The following CACNA2D4 variants were observed in gnomAD, a reference collection of about 807,000 sequenced individuals.
The protein encoded by CACNA2D4 is calcium voltage-gated channel auxiliary subunit alpha2delta 4, also known as voltage-dependent calcium channel subunit alpha-2/delta-4.
In CACNA2D4, 157 loss-of-function variants were observed where a neutral mutation model predicts 163.8. The ratio of observed to expected loss-of-function variants is 0.96; its 90% CI spans 0.84 to 1.09. The LOEUF is 1.09. Ranked by LOEUF, CACNA2D4 falls within the 50% of genes least tolerant of loss-of-function variation. CACNA2D4 has a pLI of 0.00. For synonymous variants in CACNA2D4, 598 were observed against 586.9 expected, an observed-to-expected ratio of 1.02 and a Z score of -0.27; for missense variants, 1,410 against 1,479.9, an observed-to-expected ratio of 0.95 and a Z score of 0.78.
intron 6 of CACNA2D4, among the ~76,000 whole-genome samples, chr12:1,893,989 C>G (rs532676598): frequency 6.6e-6 from 1 of 151,810 alleles, no homozygotes; most frequent in African/African-American, 2.4e-5. Flanking sequence ...AAGATAAAAC[C>G]AATAAACTGC....
Position 1,885,085 on chromosome 12 carries a change from G to T in CACNA2D4, c.1069-9C>A. On this transcript the variant is annotated splice_polypyrimidine_tract_variant and intron_variant, in intron 9 of 37. Transcript: ENST00000382722. ...ACCAGCAGTTTGAAATGCTGCCATG[G>T]GTGAGATATTAGAGAAGCATCAGGG... 6.2e-7 allele frequency: 1 copy of T among 1,611,658 alleles called. No homozygotes were observed. Among genetic ancestry groups the T allele is most frequent in the Non-Finnish European group, 8.5e-7 (1 of 1,177,808 alleles).
rs1271029810 is a variant in CACNA2D4, at chr12:1,828,185, A to G, written c.2551+12554T>C. 1.3e-6 allele frequency: 2 copies of G among 1,546,658 alleles called. No homozygotes were observed. The highest frequency in any genetic ancestry group is 1.7e-6 in the Non-Finnish European group (2 of 1,145,134). On this transcript the variant is annotated intron_variant, in intron 26 of 37. Coordinates refer to ENST00000382722, the MANE Select transcript of CACNA2D4 (RefSeq NM_172364.5). This position sits in a 1 kb window ranked among gnomAD's most constrained non-coding sequence, Gnocchi z 4.2. Reference sequence around the variant, plus strand: ...GGGCAGCAGCCCTGGGCAGAGGGGCAGGCTCGCCCTGCAGTGGAGGCAAGT... The same window carrying G: ...GGGCAGCAGCCCTGGGCAGAGGGGCGGGCTCGCCCTGCAGTGGAGGCAAGT...
At position 1,853,991 on chromosome 12, in the gene CACNA2D4, T is replaced by C. The variant is rs773004518; in HGVS notation, c.2206A>G (p.Met736Val). The C allele has an allele frequency of 1.6e-5, 26 of 1,612,894 alleles. No individual in the cohort carries two copies. Among genetic ancestry groups the C allele is most frequent in the Non-Finnish European group, 2.1e-5 (25 of 1,179,438 alleles). ...VLFDAVVTAP[M>V]EAYWTALALN... ...GCCAGCGCTGTCCAGTAGGCTTCCA[T>C]GGGGGCTGTCACCACCGCGTCAAAC... Residue 736 changes from methionine to valine, a missense_variant, in exon 23 of 38, where the codon ATG becomes GTG. Coordinates refer to ENST00000382722, the MANE Select transcript of CACNA2D4 (RefSeq NM_172364.5).
chr12:1,871,270 GGT>G (rs1241512893), intron 18 of CACNA2D4, among the ~76,000 whole-genome samples: 10 of 146,760 alleles, frequency 6.8e-5, no homozygotes, highest in Admixed American at 2.0e-4. Context: ...GTGTGCCACT[GGT>G]GTGTGTGTAC....
At chr12:1,863,253 T>C (rs1865562438) in intron 18 of CACNA2D4, among the ~76,000 whole-genome samples, 1 of 152,266 alleles carries the variant, frequency 6.6e-6, no homozygotes, top group African/African-American at 2.4e-5. Context: ...GTGTGGGCTA[T>C]TTCTGGGTTC....
chr12:1,905,713 G>A (rs1866644686), intron 6 of CACNA2D4, among the ~76,000 whole-genome samples: 1 of 152,098 alleles, frequency 6.6e-6, no homozygotes, highest in Admixed American at 6.5e-5. Context: ...AGAAATAATG[G>A]AAACACATTC....
chr12:1,866,765 T>C (rs1865659502), intron 18 of CACNA2D4, among the ~76,000 whole-genome samples: 1 of 150,848 alleles, frequency 6.6e-6, no homozygotes, highest in African/African-American at 2.4e-5. Flanking sequence ...GGACTACAAG[T>C]GCATGCCACC....
intron 20 of CACNA2D4, 110 bp downstream of exon 20, chr12:1,858,467 G>C (rs933713299): frequency 1.1e-6 from 1 of 912,350 alleles, no homozygotes. Context: ...TGGAGCCTGG[G>C]AGCTGGGAGG....
chr12:1,916,296 T>A (rs1490120319), intron 1 of CACNA2D4, among the ~76,000 whole-genome samples: 1 of 152,118 alleles, frequency 6.6e-6, no homozygotes, highest in East Asian at 1.9e-4. Context: ...CCAAGTACCA[T>A]TGGGAAGGTT....
chr12:1,834,534 G>T lies in CACNA2D4; in HGVS notation c.2551+6205C>A. ...CCGGCGAGCGTGAGGCGAGCCATGG[G>T]CACGGTGATCATTGCAGGGGTCGTG... On this transcript the variant is annotated intron_variant, in intron 26 of 37. Transcript: ENST00000382722. This position sits in a 1 kb window ranked among gnomAD's most constrained non-coding sequence, Gnocchi z 7.6. 5 of 1,604,950 alleles carry T rather than the reference G, an allele frequency of 3.1e-6. No individual in the cohort carries two copies. The highest frequency in any genetic ancestry group is 4.2e-6 in the Non-Finnish European group (5 of 1,179,910).
chr12:1,856,481 A>G (rs1483196450), intron 20 of CACNA2D4, among the ~76,000 whole-genome samples: 1 of 152,226 alleles, frequency 6.6e-6, no homozygotes, highest in Admixed American at 6.5e-5. Flanking sequence ...CATGCCTTCA[A>G]TGAGCTGCCC....
intron 26 of CACNA2D4, among the ~76,000 whole-genome samples, chr12:1,838,855 G>A (rs930728242): frequency 6.6e-6 from 1 of 152,138 alleles, no homozygotes; most frequent in African/African-American, 2.4e-5. Context: ...GTAGGGAGAC[G>A]ATTTCGGAGT....
chr12:1,811,516 A>G (rs915329845), intron 27 of CACNA2D4, 146 bp downstream of exon 27: 13 of 810,324 alleles, frequency 1.6e-5, no homozygotes, highest in Admixed American at 4.9e-5. Context: ...CAGGCTGGGG[A>G]GCTGAGGGGC....
At chr12:1,811,819 TGAG>T in intron 26 of CACNA2D4, 96 bp from the exon 27 acceptor site, 1 of 1,245,416 alleles carries the variant, frequency 8.0e-7, no homozygotes, top group African/African-American at 1.5e-5. Flanking sequence ...CCGCAGGAAC[TGAG>T]GAGAGAGACC....
intron 18 of CACNA2D4, among the ~76,000 whole-genome samples, chr12:1,866,049 G>A (rs1865645075): frequency 6.6e-6 from 1 of 152,178 alleles, no homozygotes; most frequent in Non-Finnish European, 1.5e-5. Flanking sequence ...ACAGTGCAAG[G>A]CTGAATAGAA....
rs1264852727 is a variant in CACNA2D4 at position 1,828,583 on chromosome 12, CTG to C, written c.2551+12154_2551+12155del. ...CTCACTGGTGCCTGAGCTTGTCGGCCTGTGTCACAGACTGCGGCGAGCCCTTT... is the reference window on the plus strand; with the variant it reads ...CTCACTGGTGCCTGAGCTTGTCGGCCTGTCACAGACTGCGGCGAGCCCTTT... On this transcript the variant is annotated intron_variant, in intron 26 of 37. Coordinates refer to ENST00000382722, the MANE Select transcript of CACNA2D4 (RefSeq NM_172364.5). The surrounding 1 kb of genome is among the most constrained non-coding windows in gnomAD (Gnocchi z 4.2). Among the ~76,000 whole-genome samples, 2 of 152,230 alleles carry C rather than the reference CTG, an allele frequency of 1.3e-5. No homozygotes were observed. The highest frequency in any genetic ancestry group is 2.9e-5 in the Non-Finnish European group (2 of 68,042).
intron 23 of CACNA2D4, 69 bp downstream of exon 23, chr12:1,853,882 G>A (rs1171804412): frequency 3.2e-6 from 4 of 1,235,078 alleles, no homozygotes; most frequent in Non-Finnish European, 4.7e-6. Flanking sequence ...ATGGTGAGAG[G>A]GGTCCCAACT....
rs1014210426 is a variant in CACNA2D4 at position 1,802,343 on chromosome 12, C to T, written c.2722-699G>A. ...CCAGAGTCATCTTACTCAAATGCAA[C>T]ATGGATGGGTCACTCTTGCCTTCAT... On this transcript the variant is annotated intron_variant, in intron 29 of 37. Transcript: ENST00000382722. The surrounding 1 kb of genome is among the most constrained non-coding windows in gnomAD (Gnocchi z 4.7). Among the ~76,000 whole-genome samples the T allele has an allele frequency of 6.6e-6, 1 of 152,174 alleles. No individual in the cohort carries two copies. Among genetic ancestry groups the T allele is most frequent in the Admixed American group, 6.5e-5 (1 of 15,278 alleles).
In CACNA2D4 at chr12:1,918,560, C is replaced by T. The variant is rs1867058226; in HGVS notation, c.-87G>A. On this transcript the variant is annotated 5_prime_UTR_variant, in exon 1 of 38. Coordinates refer to ENST00000382722, the MANE Select transcript of CACNA2D4 (RefSeq NM_172364.5). ...GGCGAGCCTGGGGTCTCCAGCCTCT[C>T]AGTCCTGGGTGGGGAGGGCTTCTCT... 1 of 1,043,510 alleles carries T rather than the reference C, an allele frequency of 9.6e-7. No individual in the cohort carries two copies. The highest frequency in any genetic ancestry group is 1.6e-5 in the African/African-American group (1 of 61,944). 64.6% of individuals were successfully genotyped at this position (1,043,510 alleles called of 1,614,324 possible).
Sources: allele counts gnomAD v4.1 joint callset (sites outside exome capture counted in the v4.1 genomes callset), GRCh38; gene constraint gnomAD v4.1.1; non-coding constraint Gnocchi (gnomAD v3.1); transcripts MANE v1.5; gene names NCBI Gene and HGNC (gene_info 2026-07-23, HGNC 2026-07-21).